Variants in FAM107B observed in about 807,000 individuals in gnomAD.
The protein encoded by FAM107B is protein FAM107B.
In FAM107B, 21 loss-of-function variants were observed where a neutral mutation model predicts 31.5. The ratio of observed to expected loss-of-function variants is 0.67; its 90% confidence interval spans 0.47 to 0.96. The LOEUF is 0.96. Ranked by LOEUF, FAM107B falls within the 40% of genes least tolerant of loss-of-function variation. FAM107B has a pLI of 0.00. For missense variants in FAM107B, 452 were observed against 377.1 expected, an observed-to-expected ratio of 1.20 and a Z score of -1.64; for synonymous variants, 157 against 141.5, an observed-to-expected ratio of 1.11 and a Z score of -0.78.
rs1846873077 is a variant in FAM107B at position 14,530,601 on chromosome 10, G to A, written c.470-86C>T. 4 of 1,277,334 alleles carry A rather than the reference G, an allele frequency of 3.1e-6. No homozygotes were observed. In the African/African-American group the frequency reaches 5.9e-5, roughly 19 times the overall value. The allele number at this position is 1,277,334 out of a possible 1,614,324, so 79.1% of individuals were successfully genotyped here. ...GCAGAGGCCCACAGAGCTGTGCTCAGTATGCTAACACATGCCATCCTCCTG... is the reference window on the plus strand; with the variant it reads ...GCAGAGGCCCACAGAGCTGTGCTCAATATGCTAACACATGCCATCCTCCTG... On this transcript the variant is annotated intron_variant, in intron 2 of 4. Transcript: ENST00000181796.
chr10:14,732,226 C>T (rs1034346974), intron 1 of FAM107B, among the ~76,000 whole-genome samples: 5 of 152,168 alleles, frequency 3.3e-5, no homozygotes, highest in Non-Finnish European at 7.3e-5. Context: ...CAGACATCAT[C>T]GTTCAGCAAG....
intron 1 of FAM107B, among the ~76,000 whole-genome samples, chr10:14,766,730 C>G (rs553185955): frequency 6.6e-6 from 1 of 151,552 alleles, no homozygotes; most frequent in South Asian, 2.1e-4. Context: ...AAAGTAGCCC[C>G]TCTTCACCAA....
intron 2 of FAM107B, among the ~76,000 whole-genome samples, chr10:14,635,530 C>T (rs1280966948): frequency 6.6e-6 from 1 of 152,200 alleles, no homozygotes; most frequent in Non-Finnish European, 1.5e-5. Context: ...CCCCATACCA[C>T]GAAGTTCTGC....
chr10:14,581,499 G>A (rs1029849890), intron 2 of FAM107B, among the ~76,000 whole-genome samples: 2 of 152,206 alleles, frequency 1.3e-5, no homozygotes, highest in African/African-American at 2.4e-5. Context: ...AAAGACGTTC[G>A]TTCAGAGCCA....
intron 1 of FAM107B, among the ~76,000 whole-genome samples, chr10:14,737,114 A>C (rs1289301059): frequency 6.6e-6 from 1 of 152,184 alleles, no homozygotes; most frequent in Admixed American, 6.5e-5. Flanking sequence ...AGCACCACCA[A>C]GCCAGAGATC....
chr10:14,740,566 C>A (rs1421932548), intron 1 of FAM107B, among the ~76,000 whole-genome samples: 1 of 152,110 alleles, frequency 6.6e-6, no homozygotes, highest in Non-Finnish European at 1.5e-5. Context: ...TATAACTATA[C>A]AACACAAAGA....
intron 1 of FAM107B, among the ~76,000 whole-genome samples, chr10:14,697,213 A>C (rs965026001): frequency 1.3e-5 from 2 of 152,144 alleles, no homozygotes; most frequent in Admixed American, 1.3e-4. Context: ...GGGCTGCCAC[A>C]TTGCCTCTGC....
At chr10:14,544,162 A>G (rs374357924) in intron 2 of FAM107B, among the ~76,000 whole-genome samples, 2 of 152,298 alleles carry the variant, frequency 1.3e-5, no homozygotes, top group African/African-American at 4.8e-5. Flanking sequence ...AAAAGTCTGT[A>G]TCCTGGGGCT....
intron 2 of FAM107B, among the ~76,000 whole-genome samples, chr10:14,571,529 A>C (rs997028933): frequency 6.6e-6 from 1 of 152,250 alleles, no homozygotes; most frequent in African/African-American, 2.4e-5. Context: ...TTGGCATCTG[A>C]AGAAATTTTA....
At position 14,704,149 on chromosome 10, in the gene FAM107B, A is replaced by G. The variant is rs550709725; in HGVS notation, c.412-36458T>C. Among the ~76,000 whole-genome samples the G allele has an allele frequency of 1.6e-4, 25 of 152,320 alleles. 1 individual carries two copies. The highest frequency in any genetic ancestry group is 1.4e-3 in the Admixed American group (21 of 15,292). On this transcript the variant is annotated intron_variant, in intron 1 of 4. Transcript: ENST00000181796. ...CATCCAGGTGGTCTACCTGTACATC[A>G]CTGAAGAATGTTAAATGCCCTTAGA...
chr10:14,647,978 G>T (rs1853801575), intron 2 of FAM107B, among the ~76,000 whole-genome samples: 1 of 151,386 alleles, frequency 6.6e-6, no homozygotes, highest in Admixed American at 6.6e-5. Context: ...CTGAAAAAAT[G>T]GAGTGAGAAT....
At chr10:14,729,580 C>T (rs565389971) in intron 1 of FAM107B, among the ~76,000 whole-genome samples, 1 of 152,226 alleles carries the variant, frequency 6.6e-6, no homozygotes, top group African/African-American at 2.4e-5. Flanking sequence ...ATCAGGGAAG[C>T]TTCACTGTAG....
At chr10:14,656,014 C>T (rs1588686760) in intron 2 of FAM107B, among the ~76,000 whole-genome samples, 2 of 152,208 alleles carry the variant, frequency 1.3e-5, no homozygotes, top group South Asian at 2.1e-4. Flanking sequence ...TGCTGAGTGT[C>T]GGCCATGCAC....
chr10:14,710,266 G>GTC (rs1333600193), intron 1 of FAM107B, among the ~76,000 whole-genome samples: 2 of 151,938 alleles, frequency 1.3e-5, no homozygotes, highest in African/African-American at 4.8e-5. Flanking sequence ...ATGTAACATA[G>GTC]TCAGACTCCA....
Position 14,519,650 on chromosome 10 carries a change from T to C in FAM107B, c.*1540A>G, listed in dbSNP as rs1415715043. 4 of 152,204 alleles carry C rather than the reference T, an allele frequency of 2.6e-5. No individual in the cohort carries two copies. The highest frequency in any genetic ancestry group is 5.9e-5 in the Non-Finnish European group (4 of 68,028). The allele number at this position is 152,204 out of a possible 1,614,324, so 9.4% of individuals were successfully genotyped here. Reference sequence around the variant, plus strand: ...GCATTTACTTTTGTTCCCATTCAGATTGAATATGGGCCTAATTGTCAACTG... The same window carrying C: ...GCATTTACTTTTGTTCCCATTCAGACTGAATATGGGCCTAATTGTCAACTG... On this transcript the variant is annotated 3_prime_UTR_variant, in exon 5 of 5. Transcript: ENST00000181796.
chr10:14,699,993 C>T (rs994419165), intron 1 of FAM107B, among the ~76,000 whole-genome samples: 10 of 152,120 alleles, frequency 6.6e-5, no homozygotes, highest in African/African-American at 1.9e-4. Context: ...AATGCAGTGG[C>T]GCAATCTCAG....
intron 2 of FAM107B, among the ~76,000 whole-genome samples, chr10:14,619,938 T>C (rs970773918): frequency 1.3e-5 from 2 of 151,964 alleles, no homozygotes; most frequent in Non-Finnish European, 2.9e-5. Flanking sequence ...CTATGTCTTA[T>C]ACATTGATGA....
At chr10:14,629,456 ATT>A (rs72047019) in intron 2 of FAM107B, among the ~76,000 whole-genome samples, 8,219 of 57,784 alleles carry the variant, frequency 0.14, 1,122 homozygotes, top group Admixed American at 0.27. Flanking sequence ...TTATATATAT[ATT>A]ATATATATAT....
At chr10:14,655,404 T>C (rs1177482066) in intron 2 of FAM107B, among the ~76,000 whole-genome samples, 1 of 152,240 alleles carries the variant, frequency 6.6e-6, no homozygotes, top group Non-Finnish European at 1.5e-5. Context: ...TTTTTCTATC[T>C]CAGCCTCACA....
Sources: allele counts gnomAD v4.1 joint callset (sites outside exome capture counted in the v4.1 genomes callset), GRCh38; gene constraint gnomAD v4.1.1; transcripts MANE v1.5; gene names NCBI Gene and HGNC (gene_info 2026-07-23, HGNC 2026-07-21).